Variants in WWOX observed in about 807,000 individuals in gnomAD.
WWOX encodes WW domain containing oxidoreductase.
A neutral mutation model predicts 46.2 loss-of-function variants in WWOX; 69 were observed. The ratio of observed to expected loss-of-function variants is 1.49; its 90% confidence interval spans 1.23 to 1.82. The LOEUF is 1.82. Among genes scored for constraint, WWOX ranks in the 40% most tolerant of loss-of-function variants. WWOX has a pLI of 0.00. For synonymous variants in WWOX, 359 were observed against 202.6 expected (o/e 1.77, Z -6.56); for missense variants, 919 against 542.6 (o/e 1.69, Z -6.89).
At chr16:79,207,161 C>T (rs572227010) in intron 8 of WWOX, among the ~76,000 whole-genome samples, 9 of 152,336 alleles carry the variant, frequency 5.9e-5, no homozygotes, top group South Asian at 2.1e-4. Context: ...TCATCTCCAC[C>T]GCAGCAGCTC....
chr16:78,945,556 C>A (rs1287040243), intron 8 of WWOX, among the ~76,000 whole-genome samples: 1 of 152,198 alleles, frequency 6.6e-6, no homozygotes. Flanking sequence ...CCAAAATATG[C>A]TGGCCTTTTA....
intron 8 of WWOX, among the ~76,000 whole-genome samples, chr16:79,132,619 T>A (rs2049903339): frequency 6.6e-6 from 1 of 152,272 alleles, no homozygotes; most frequent in Admixed American, 6.5e-5. Flanking sequence ...CCCTCAAACA[T>A]CGCTTTTCTT....
chr16:78,777,431 A>C (rs2050218514), intron 8 of WWOX, among the ~76,000 whole-genome samples: 6 of 152,214 alleles, frequency 3.9e-5, no homozygotes. Flanking sequence ...TAATTTAAGT[A>C]GCTGATGTGT....
intron 8 of WWOX, among the ~76,000 whole-genome samples, chr16:78,730,617 AT>A (rs536906826): frequency 0.019 from 2,320 of 122,990 alleles, 67 homozygotes; most frequent in African/African-American, 0.061. Flanking sequence ...ACGCCCGGCA[AT>A]TTTTTTTTTT....
At chr16:78,930,001 G>T (rs1161651714) in intron 8 of WWOX, among the ~76,000 whole-genome samples, 1 of 152,176 alleles carries the variant, frequency 6.6e-6, no homozygotes, top group Non-Finnish European at 1.5e-5. Flanking sequence ...ATGTGACCCA[G>T]TTCTAGCGAA....
intron 8 of WWOX, among the ~76,000 whole-genome samples, chr16:78,646,104 C>T (rs1040761974): frequency 2.0e-5 from 3 of 152,182 alleles, no homozygotes; most frequent in African/African-American, 7.2e-5. Context: ...CAAGAACTTA[C>T]ATCCCTCTAC....
intron 8 of WWOX, among the ~76,000 whole-genome samples, chr16:79,089,645 A>G (rs903495037): frequency 3.3e-5 from 5 of 152,138 alleles, no homozygotes; most frequent in Admixed American, 1.3e-4. Flanking sequence ...GGCAATCTTT[A>G]TACATAAAAA....
chr16:78,330,697 G>T (rs944030953), intron 5 of WWOX, among the ~76,000 whole-genome samples: 1 of 152,146 alleles, frequency 6.6e-6, no homozygotes, highest in African/African-American at 2.4e-5. Flanking sequence ...GCCCGGCAGG[G>T]AGTAACATTT....
At chr16:78,230,597 C>T (rs2037227562) in intron 5 of WWOX, among the ~76,000 whole-genome samples, 1 of 152,204 alleles carries the variant, frequency 6.6e-6, no homozygotes, top group Non-Finnish European at 1.5e-5. Flanking sequence ...AAAAAGAATA[C>T]TATCAACTGC....
At chr16:78,223,116 G>A (rs185594367) in intron 5 of WWOX, among the ~76,000 whole-genome samples, 1 of 152,176 alleles carries the variant, frequency 6.6e-6, no homozygotes, top group South Asian at 2.1e-4. Context: ...CTGCTTGTAG[G>A]CTGTGACTGT....
intron 8 of WWOX, among the ~76,000 whole-genome samples, chr16:78,460,351 C>G (rs2083921195): frequency 6.6e-6 from 1 of 152,114 alleles, no homozygotes; most frequent in African/African-American, 2.4e-5. Flanking sequence ...TGTTCTCAAA[C>G]TACTGACCTC....
At chr16:78,150,760 T>C (rs2034376736) in intron 4 of WWOX, among the ~76,000 whole-genome samples, 1 of 152,222 alleles carries the variant, frequency 6.6e-6, no homozygotes, top group Admixed American at 6.5e-5. Flanking sequence ...TAAGTCAATC[T>C]CCAGCCCCTC....
At chr16:79,163,884 G>A (rs372937037) in intron 8 of WWOX, among the ~76,000 whole-genome samples, 7 of 136,448 alleles carry the variant, frequency 5.1e-5, no homozygotes, top group East Asian at 4.4e-4. Context: ...AAGAGAATTG[G>A]AAAAAAAAAA....
chr16:78,821,864 C>A (rs970757334), intron 8 of WWOX, among the ~76,000 whole-genome samples: 2 of 152,114 alleles, frequency 1.3e-5, no homozygotes, highest in African/African-American at 4.8e-5. Context: ...CTCCAATTCC[C>A]ATCTTCAAAT....
chr16:78,215,884 C>T (rs1350873728), intron 5 of WWOX, among the ~76,000 whole-genome samples: 2 of 151,758 alleles, frequency 1.3e-5, no homozygotes, highest in African/African-American at 2.4e-5. Flanking sequence ...CGAGATCATG[C>T]CACTGCACTC....
chr16:79,154,706 C>A (rs1410689910), intron 8 of WWOX, among the ~76,000 whole-genome samples: 1 of 152,166 alleles, frequency 6.6e-6, no homozygotes. Context: ...TAATCACTTT[C>A]ATAGTGTATG....
intron 8 of WWOX, among the ~76,000 whole-genome samples, chr16:78,505,062 ATTG>A (rs1173628162): frequency 3.9e-5 from 6 of 152,038 alleles, no homozygotes; most frequent in Non-Finnish European, 8.8e-5. Flanking sequence ...AAGGGATATT[ATTG>A]TTCCTGAATT....
intron 8 of WWOX, among the ~76,000 whole-genome samples, chr16:78,832,080 C>CAGGAATTAGGGAGTGGCTT (rs1313394649): frequency 6.6e-6 from 1 of 152,136 alleles, no homozygotes; most frequent in African/African-American, 2.4e-5. Context: ...CTTTGTGGGT[C>CAGGAATTAGGGAGTGGCTT]AGGAATTAGG....
chr16:78,162,132 G>T (rs959947239), intron 4 of WWOX, among the ~76,000 whole-genome samples: 1 of 152,130 alleles, frequency 6.6e-6, no homozygotes, highest in Admixed American at 6.5e-5. Flanking sequence ...CGTGACACTA[G>T]GTGTAGTGTA....
Sources: allele counts gnomAD v4.1 joint callset (sites outside exome capture counted in the v4.1 genomes callset), GRCh38; gene constraint gnomAD v4.1.1; transcripts MANE v1.5; gene names NCBI Gene and HGNC (gene_info 2026-07-23, HGNC 2026-07-21).